The following ARMC8 variants were observed in gnomAD, a reference collection of about 807,000 sequenced individuals.
The protein encoded by ARMC8 is armadillo repeat-containing protein 8.
In ARMC8, 20 loss-of-function variants were observed where a neutral mutation model predicts 99.3. The observed-to-expected ratio is 0.20, with a 90% CI of 0.14 to 0.29. ARMC8 has a LOEUF of 0.29. ARMC8 is among the 10% of genes least tolerant of loss of function. The pLI, the probability that ARMC8 is intolerant of heterozygous loss-of-function variation, is 1.00. For missense variants in ARMC8, 569 were observed against 809.5 expected (o/e 0.70, Z 3.60); for synonymous variants, 263 against 278.3 (o/e 0.95, Z 0.55).
At chr3:138,212,488 T>A (rs2044756116) in intron 2 of ARMC8, among the ~76,000 whole-genome samples, 1 of 152,078 alleles carries the variant, frequency 6.6e-6, no homozygotes, top group Non-Finnish European at 1.5e-5. Context: ...TTTGTATATT[T>A]AGTAGAGACG....
chr3:138,229,177 T>TATATAC (rs2045894171), intron 6 of ARMC8, 167 bp downstream of exon 6: 4 of 35,870 alleles, frequency 1.1e-4, no homozygotes, highest in African/African-American at 3.5e-4. Flanking sequence ...TATATATATA[T>TATATAC]ATATATGTAT....
intron 12 of ARMC8, among the ~76,000 whole-genome samples, chr3:138,254,206 A>G (rs1431851516): frequency 6.6e-6 from 1 of 152,240 alleles, no homozygotes; most frequent in Admixed American, 6.5e-5. Context: ...TGGGAATAGA[A>G]TTAAACTTCA....
At chr3:138,224,863 C>G (rs1369472149) in intron 5 of ARMC8, among the ~76,000 whole-genome samples, 2 of 152,190 alleles carry the variant, frequency 1.3e-5, no homozygotes, top group African/African-American at 2.4e-5. Context: ...AAGATAGTCT[C>G]AGACTTTGAG....
intron 18 of ARMC8, among the ~76,000 whole-genome samples, chr3:138,275,237 G>A (rs962472290): frequency 6.6e-6 from 1 of 152,144 alleles, no homozygotes; most frequent in South Asian, 2.1e-4. Flanking sequence ...CATAGGTTTT[G>A]GCTACATGGT....
chr3:138,216,134 G>T (rs532512356), intron 2 of ARMC8, among the ~76,000 whole-genome samples: 1 of 148,984 alleles, frequency 6.7e-6, no homozygotes, highest in Non-Finnish European at 1.5e-5. Context: ...TGATCCGCCC[G>T]CCTCGGACTT....
At chr3:138,188,363 C>G in intron 1 of ARMC8, 2 of 1,414,800 alleles carry the variant, frequency 1.4e-6, no homozygotes, top group Non-Finnish European at 1.9e-6. Context: ...ATTGACATGC[C>G]AGGAAGTAAA....
At position 138,237,425 on chromosome 3, in the gene ARMC8, A is replaced by G. The variant is rs368286300; in HGVS notation, c.685+41A>G. 2.0e-5 allele frequency: 32 copies of G among 1,611,088 alleles called. No homozygotes were observed. In the East Asian group the frequency reaches 4.5e-4, roughly 22 times the overall value. On this transcript the variant is annotated intron_variant, in intron 8 of 21. Transcript: ENST00000469044. ...CAGTGGCACCTACATGATTTAATTG[A>G]TGAACTTTTTAGATTTAAAGAATTT...
chr3:138,260,399 T>G (rs1179611407), intron 12 of ARMC8, among the ~76,000 whole-genome samples: 1 of 152,172 alleles, frequency 6.6e-6, no homozygotes, highest in East Asian at 1.9e-4. Context: ...TGCCCAAGAT[T>G]ATACAGCATA....
At position 138,295,333 on chromosome 3, in the gene ARMC8, G is replaced by A. The variant is rs528288215; in HGVS notation, c.1989-526G>A. Among the ~76,000 whole-genome samples, 6 of 152,268 alleles carry A rather than the reference G, an allele frequency of 3.9e-5. No individual in the cohort carries two copies. In the East Asian group the frequency reaches 7.7e-4, roughly 20 times the overall value. On this transcript the variant is annotated intron_variant, in intron 21 of 21. Coordinates refer to ENST00000469044, the MANE Select transcript of ARMC8 (RefSeq NM_001363941.2). ...AGATGAAATTGTAGCCTTCTTCCAC[G>A]GTTCTGAGGCATGTGAAGCATAAGA...
rs147482396 is a variant in ARMC8, at chr3:138,241,851, G to A, written c.906G>A (p.Glu302=). Residue 302 remains glutamate (E), a synonymous_variant, in exon 11 of 22, where the codon GAG becomes GAA. Transcript: ENST00000469044. ...RLLEERVEGA[E]TLAYLIEPDV... The stretch of plus-strand genomic sequence containing the variant: ...TAGAGGAGAGAGTTGAAGGAGCTGA[G>A]ACACTTGCCTATCTGATTGAACCAG... The A allele has an allele frequency of 1.1e-4, 180 of 1,614,084 alleles. 1 individual carries two copies. Among genetic ancestry groups the A allele is most frequent in the Non-Finnish European group, 1.3e-4 (154 of 1,179,984 alleles).
At chr3:138,240,627 A>AT (rs1376493967) in intron 10 of ARMC8, among the ~76,000 whole-genome samples, 1 of 152,236 alleles carries the variant, frequency 6.6e-6, no homozygotes, top group African/African-American at 2.4e-5. Flanking sequence ...CTAGGGTTGA[A>AT]TTATAAAGCT....
chr3:138,206,673 A>G (rs932573867), intron 1 of ARMC8, among the ~76,000 whole-genome samples: 1 of 152,118 alleles, frequency 6.6e-6, no homozygotes, highest in African/African-American at 2.4e-5. Flanking sequence ...TTATATTTCT[A>G]GGCTGCCTTC....
chr3:138,243,107 G>A (rs780917437), intron 11 of ARMC8, among the ~76,000 whole-genome samples: 3 of 152,078 alleles, frequency 2.0e-5, no homozygotes, highest in Admixed American at 6.5e-5. Context: ...CCTCATGAAC[G>A]CCCTGAGTTG....
At chr3:138,287,199 C>T (rs1227608130) in intron 19 of ARMC8, among the ~76,000 whole-genome samples, 2 of 152,228 alleles carry the variant, frequency 1.3e-5, no homozygotes, top group Admixed American at 1.3e-4. Flanking sequence ...GGCTTCCTCT[C>T]AACACAGAAT....
chr3:138,256,362 C>T lies in ARMC8; in HGVS notation c.1135-7377C>T, dbSNP rs149135320. Among the ~76,000 whole-genome samples, 46 of 148,946 alleles carry T rather than the reference C, an allele frequency of 3.1e-4. 1 individual carries two copies. Among genetic ancestry groups the T allele is most frequent in the African/African-American group, 1.0e-3 (42 of 40,220 alleles). ...CTGAATCATTGATTTGTCATTTTCT[C>T]TCTGGGAGGTCCTGTAAAGTATATC... is the stretch of plus-strand genomic sequence containing the variant. On this transcript the variant is annotated intron_variant, in intron 12 of 21. Transcript: ENST00000469044.
chr3:138,277,753 G>T (rs1203705365), intron 18 of ARMC8, among the ~76,000 whole-genome samples: 1 of 152,086 alleles, frequency 6.6e-6, no homozygotes, highest in African/African-American at 2.4e-5. Context: ...GTACATATAC[G>T]TGCCATACGA....
chr3:138,226,477 G>A (rs764993664), intron 5 of ARMC8, among the ~76,000 whole-genome samples: 17 of 152,144 alleles, frequency 1.1e-4, no homozygotes, highest in African/African-American at 4.1e-4. Context: ...TGAGTCTTGG[G>A]TTTTGCATTT....
At chr3:138,293,179 C>A (rs1258759251) in intron 21 of ARMC8, among the ~76,000 whole-genome samples, 1 of 152,156 alleles carries the variant, frequency 6.6e-6, no homozygotes, top group Non-Finnish European at 1.5e-5. Flanking sequence ...AATGGCTCTT[C>A]CAGATTGTGA....
At chr3:138,215,591 T>G (rs1576638258) in intron 2 of ARMC8, among the ~76,000 whole-genome samples, 1 of 152,204 alleles carries the variant, frequency 6.6e-6, no homozygotes, top group Admixed American at 6.5e-5. Context: ...ACACATTTTT[T>G]ATGTTCCTTG....
Sources: allele counts gnomAD v4.1 joint callset (sites outside exome capture counted in the v4.1 genomes callset), GRCh38; gene constraint gnomAD v4.1.1; transcripts MANE v1.5; gene names NCBI Gene and HGNC (gene_info 2026-07-23, HGNC 2026-07-21).